The following STX7 variants were observed in gnomAD, a reference collection of about 807,000 sequenced individuals.
STX7 encodes syntaxin 7, also known as syntaxin-7.
In STX7, 34 loss-of-function variants were observed where a neutral mutation model predicts 39.6. The ratio of observed to expected loss-of-function variants is 0.86; its 90% CI spans 0.65 to 1.14. The LOEUF is 1.14. STX7 is among the 50% of genes most tolerant of loss of function. The pLI is 0.00. For missense variants in STX7, 284 were observed against 310.4 expected, an observed-to-expected ratio of 0.92 and a Z score of 0.64; for synonymous variants, 119 against 99.1, an observed-to-expected ratio of 1.20 and a Z score of -1.19.
intron 2 of STX7, among the ~76,000 whole-genome samples, chr6:132,502,296 T>C (rs887149319): frequency 2.6e-5 from 4 of 152,182 alleles, no homozygotes; most frequent in African/African-American, 9.7e-5. Context: ...GTGTTAACAT[T>C]CTGTTAAAAA....
intron 2 of STX7, among the ~76,000 whole-genome samples, chr6:132,480,496 C>T (rs1774989322): frequency 6.6e-6 from 1 of 152,206 alleles, no homozygotes; most frequent in Admixed American, 6.5e-5. Flanking sequence ...GACTTAGAGA[C>T]AACATCCAAG....
chr6:132,499,370 G>A (rs1775494510), intron 2 of STX7, among the ~76,000 whole-genome samples: 1 of 152,162 alleles, frequency 6.6e-6, no homozygotes. Flanking sequence ...GCAGCTAGGT[G>A]TAGCCACCTG....
intron 2 of STX7, among the ~76,000 whole-genome samples, chr6:132,482,123 G>C (rs897667780): frequency 2.6e-5 from 4 of 152,094 alleles, no homozygotes; most frequent in African/African-American, 9.7e-5. Flanking sequence ...AGATCAAAAC[G>C]TACGTAAGAA....
chr6:132,455,781 C>T lies in STX7; in HGVS notation c.*4977G>A, dbSNP rs1774228233. 6.6e-6 allele frequency: 1 copy of T among 151,870 alleles called. No homozygotes were observed. The highest frequency in any genetic ancestry group is 1.5e-5 in the Non-Finnish European group (1 of 67,956). The allele number at this position is 151,870 out of a possible 1,614,324, so 9.4% of individuals were successfully genotyped here. A position where few individuals can be genotyped will look rare whatever the true frequency, so the allele number is the denominator to read the frequency against. On this transcript the variant is annotated 3_prime_UTR_variant, in exon 10 of 10. Transcript: ENST00000367941. ...AATATTCATGTTAACCAAATGATTACAAAAACAAAGAATTAAAATTGGTGT... is the reference window on the plus strand; with the variant it reads ...AATATTCATGTTAACCAAATGATTATAAAAACAAAGAATTAAAATTGGTGT...
intron 1 of STX7, among the ~76,000 whole-genome samples, chr6:132,512,041 A>G (rs376363812): frequency 2.0e-5 from 3 of 152,202 alleles, no homozygotes; most frequent in South Asian, 4.1e-4. Context: ...AAAGTAGCCT[A>G]TAAGGCCTGT....
chr6:132,500,675 A>C (rs2114466954), intron 2 of STX7, among the ~76,000 whole-genome samples: 1 of 152,358 alleles, frequency 6.6e-6, no homozygotes, highest in Non-Finnish European at 1.5e-5. Context: ...TACAGTTTGG[A>C]ACAGTATCTA....
At chr6:132,513,244 TTGCAA>T (rs1163585605), upstream of STX7, 3 of 152,236 alleles carry the variant, frequency 2.0e-5, no homozygotes, top group Non-Finnish European at 4.4e-5. Context: ...ATCAGCAAAA[TTGCAA>T]GGGAGCTGTT....
chr6:132,461,381 A>G (rs1774394729), intron 9 of STX7, among the ~76,000 whole-genome samples: 1 of 152,004 alleles, frequency 6.6e-6, no homozygotes, highest in South Asian at 2.1e-4. Context: ...ATCTTGGCTC[A>G]CTGCAATCTC....
chr6:132,482,251 C>T (rs539540533), intron 2 of STX7, among the ~76,000 whole-genome samples: 94 of 152,268 alleles, frequency 6.2e-4, no homozygotes, highest in Admixed American at 1.0e-3. Context: ...GCATCTGCTA[C>T]GTACCAGGCA....
chr6:132,501,040 C>A (rs1775545863), intron 2 of STX7, among the ~76,000 whole-genome samples: 1 of 151,958 alleles, frequency 6.6e-6, no homozygotes, highest in Non-Finnish European at 1.5e-5. Flanking sequence ...ACTGTACCTT[C>A]ACCTGCATGA....
rs945824790 is a variant in STX7, at chr6:132,446,473, G to A, written c.*14285C>T. On this transcript the variant is annotated 3_prime_UTR_variant, in exon 10 of 10. Coordinates refer to ENST00000367941, the MANE Select transcript of STX7 (RefSeq NM_003569.3). ...AAGTCTTCCTAGATACAAGAATGAG[G>A]TTTTAAGAGATAATCTTTGTTTCTA... is the stretch of plus-strand genomic sequence containing the variant. 6.6e-6 allele frequency: 1 copy of A among 152,280 alleles called. No individual in the cohort carries two copies. Among genetic ancestry groups the A allele is most frequent in the Admixed American group, 6.5e-5 (1 of 15,288 alleles). The allele number at this position is 152,280 out of a possible 1,614,324, so 9.4% of individuals were successfully genotyped here. A position where few individuals can be genotyped will look rare whatever the true frequency, so the allele number is the denominator to read the frequency against.
chr6:132,450,633 A>G lies in STX7; in HGVS notation c.*10125T>C, dbSNP rs1774118628. ...TTAAAATTGAAAAATGCAGGAATCA[A>G]TATGAAACACTTAATTGATAGGCTC... On this transcript the variant is annotated 3_prime_UTR_variant, in exon 10 of 10. Transcript: ENST00000367941. 6.6e-6 allele frequency: 1 copy of G among 152,198 alleles called. No individual in the cohort carries two copies. The highest frequency in any genetic ancestry group is 6.5e-5 in the Admixed American group (1 of 15,274). 9.4% of individuals were successfully genotyped at this position (152,198 alleles called of 1,614,324 possible). A position where few individuals can be genotyped will look rare whatever the true frequency, so the allele number is the denominator to read the frequency against.
At chr6:132,498,071 G>A (rs1775460267) in intron 2 of STX7, among the ~76,000 whole-genome samples, 2 of 152,176 alleles carry the variant, frequency 1.3e-5, no homozygotes, top group Non-Finnish European at 2.9e-5. Context: ...TATGCCATGG[G>A]TAAAAGATGG....
chr6:132,495,036 G>T (rs1775389287), intron 2 of STX7, among the ~76,000 whole-genome samples: 2 of 152,144 alleles, frequency 1.3e-5, no homozygotes, highest in Admixed American at 1.3e-4. Context: ...AGGGAGTGAA[G>T]ACACCCATTA....
chr6:132,486,665 T>G (rs1775139697), intron 2 of STX7, among the ~76,000 whole-genome samples: 3 of 69,128 alleles, frequency 4.3e-5, no homozygotes, highest in Non-Finnish European at 2.5e-5. Context: ...TTTTTCTGGG[T>G]TTTTTTTTTT....
chr6:132,451,077 T>C lies in STX7; in HGVS notation c.*9681A>G, dbSNP rs1308077116. ...ACAATTTAAAAAACTGGATTTCTCATGGGGAACCATGAAATTTTCTTTCCT... is the reference window on the plus strand; with the variant it reads ...ACAATTTAAAAAACTGGATTTCTCACGGGGAACCATGAAATTTTCTTTCCT... On this transcript the variant is annotated 3_prime_UTR_variant, in exon 10 of 10. Coordinates refer to ENST00000367941, the MANE Select transcript of STX7 (RefSeq NM_003569.3). 5.3e-5 allele frequency: 8 copies of C among 150,108 alleles called. No individual in the cohort carries two copies. The highest frequency in any genetic ancestry group is 4.0e-4 in the Admixed American group (6 of 15,026). The allele number at this position is 150,108 out of a possible 1,614,324, so 9.3% of individuals were successfully genotyped here. A position where few individuals can be genotyped will look rare whatever the true frequency, so the allele number is the denominator to read the frequency against.
chr6:132,467,667 C>G (rs997490438), intron 8 of STX7, among the ~76,000 whole-genome samples: 1 of 152,062 alleles, frequency 6.6e-6, no homozygotes, highest in Non-Finnish European at 1.5e-5. Flanking sequence ...ACTGGGGATA[C>G]AGAGGAGGGT....
intron 2 of STX7, among the ~76,000 whole-genome samples, chr6:132,503,091 G>A (rs1480341033): frequency 2.0e-5 from 3 of 152,076 alleles, no homozygotes; most frequent in Non-Finnish European, 4.4e-5. Flanking sequence ...TAAGCCCTTG[G>A]TAGTGCTACC....
At chr6:132,465,195 C>T (rs1774532369) in intron 8 of STX7, among the ~76,000 whole-genome samples, 1 of 152,158 alleles carries the variant, frequency 6.6e-6, no homozygotes, top group African/African-American at 2.4e-5. Context: ...CCTCACCCAC[C>T]CATTTCCATG....
Sources: allele counts gnomAD v4.1 joint callset (sites outside exome capture counted in the v4.1 genomes callset), GRCh38; gene constraint gnomAD v4.1.1; transcripts MANE v1.5; gene names NCBI Gene and HGNC (gene_info 2026-07-23, HGNC 2026-07-21).